SUMF1: variants seen among roughly 807,000 people sequenced by gnomAD.
The protein encoded by SUMF1 is sulfatase modifying factor 1.
A neutral mutation model predicts 47.6 loss-of-function variants in SUMF1; 48 were observed. The observed-to-expected ratio is 1.01, with a 90% CI of 0.80 to 1.28. The LOEUF is 1.28. SUMF1 is among the 50% of genes most tolerant of loss of function. The pLI is 0.00. For missense variants in SUMF1, 571 were observed against 485.4 expected, an observed-to-expected ratio of 1.18 and a Z score of -1.66; for synonymous variants, 230 against 192.1, an observed-to-expected ratio of 1.20 and a Z score of -1.63.
intron 8 of SUMF1, among the ~76,000 whole-genome samples, chr3:4,109,463 T>C (rs991904001): frequency 2.6e-5 from 4 of 152,142 alleles, no homozygotes; most frequent in Non-Finnish European, 2.9e-5. Context: ...TGAATTTGAA[T>C]GTTGGTCTGC....
At chr3:4,457,444 A>G (rs1161357500) in intron 1 of SUMF1, among the ~76,000 whole-genome samples, 1 of 152,210 alleles carries the variant, frequency 6.6e-6, no homozygotes, top group African/African-American at 2.4e-5. Flanking sequence ...GAGCGAAAGC[A>G]ATTTTGAGCA....
intron 8 of SUMF1, among the ~76,000 whole-genome samples, chr3:4,209,171 G>C (rs557522374): frequency 2.6e-5 from 4 of 152,116 alleles, no homozygotes; most frequent in African/African-American, 9.6e-5. Flanking sequence ...ATTTTATTGG[G>C]TACCTATTAT....
rs114271285 is a variant in SUMF1, at chr3:4,330,560, C to T, written c.1014+45770G>A. ...AAGAACAGTATGGGGGAAACTGCCA[C>T]CATGAATCAGTTTTCTCCACTTGGC... is the stretch of plus-strand genomic sequence containing the variant. On this transcript the variant is annotated intron_variant and NMD_transcript_variant, in intron 8 of 12. Coordinates refer to the SUMF1 transcript ENST00000448413. 9.9e-3 allele frequency among the ~76,000 whole-genome samples: 1,503 copies of T among 152,240 alleles called. 16 individuals carry two copies. Among genetic ancestry groups the T allele is most frequent in the African/African-American group, 0.033 (1,364 of 41,524 alleles).
rs114847041 is a variant in SUMF1 at position 4,260,264 on chromosome 3, G to A, written c.1014+116066C>T. Among the ~76,000 whole-genome samples the A allele has an allele frequency of 6.6e-3, 944 of 142,990 alleles. 14 individuals are homozygous for A. Among genetic ancestry groups the A allele is most frequent in the African/African-American group, 0.023 (884 of 38,908 alleles). 93.8% of individuals were successfully genotyped at this position (142,990 alleles called of 152,430 possible). On this transcript the variant is annotated intron_variant and NMD_transcript_variant, in intron 8 of 12. Coordinates refer to the SUMF1 transcript ENST00000448413. Reference sequence around the variant, plus strand: ...TATTTAAAAGCAGGTACAAATATCCGTTCTATAAAAGACAACCAACAGGTA... The same window carrying A: ...TATTTAAAAGCAGGTACAAATATCCATTCTATAAAAGACAACCAACAGGTA...
chr3:4,351,141 CT>C (rs1340077183), intron 8 of SUMF1, among the ~76,000 whole-genome samples: 2 of 152,154 alleles, frequency 1.3e-5, no homozygotes. Flanking sequence ...TTTGGCTTGC[CT>C]AATATGTCCT....
At chr3:4,148,542 T>G (rs1694246638) in intron 8 of SUMF1, among the ~76,000 whole-genome samples, 1 of 152,162 alleles carries the variant, frequency 6.6e-6, no homozygotes, top group Admixed American at 6.5e-5. Flanking sequence ...AAAGGGCTAG[T>G]GCAGAAATGA....
At chr3:4,221,955 G>C (rs1270819837) in intron 8 of SUMF1, among the ~76,000 whole-genome samples, 4 of 146,734 alleles carry the variant, frequency 2.7e-5, no homozygotes, top group Admixed American at 2.7e-4. Flanking sequence ...ATTTTTTTTT[G>C]CAAGCACTAC....
At chr3:4,294,447 T>C (rs562560251) in intron 8 of SUMF1, among the ~76,000 whole-genome samples, 3 of 152,178 alleles carry the variant, frequency 2.0e-5, no homozygotes, top group African/African-American at 7.2e-5. Flanking sequence ...GCCTGTAGTC[T>C]CAGCTGCAAA....
At chr3:4,139,161 A>G (rs1410346647) in intron 8 of SUMF1, among the ~76,000 whole-genome samples, 2 of 152,156 alleles carry the variant, frequency 1.3e-5, no homozygotes, top group Admixed American at 6.6e-5. Context: ...TAGTACAAAA[A>G]GTTGAGGAAA....
chr3:4,046,068 AG>A (rs1480637825), intron 9 of SUMF1, among the ~76,000 whole-genome samples: 1 of 152,170 alleles, frequency 6.6e-6, no homozygotes, highest in African/African-American at 2.4e-5. Flanking sequence ...AGAAAAAAAA[AG>A]ATTGAGTCCA....
chr3:4,379,894 G>T (rs1467816574), intron 7 of SUMF1, among the ~76,000 whole-genome samples: 1 of 148,498 alleles, frequency 6.7e-6, no homozygotes, highest in African/African-American at 2.5e-5. Flanking sequence ...TTGCTATGCA[G>T]CCCTAGCAGA....
At chr3:4,225,855 C>T (rs148350438) in intron 8 of SUMF1, among the ~76,000 whole-genome samples, 1 of 152,190 alleles carries the variant, frequency 6.6e-6, no homozygotes, top group Non-Finnish European at 1.5e-5. Flanking sequence ...TTGAATAACC[C>T]CAGTCAGACA....
At chr3:4,214,165 C>A (rs58202766) in intron 8 of SUMF1, among the ~76,000 whole-genome samples, 6,303 of 152,114 alleles carry the variant, frequency 0.041, 394 homozygotes, top group East Asian at 0.18. Context: ...GGAAGGAAAA[C>A]ACTCCTCAGC....
At chr3:4,211,209 T>TATATATATAC (rs1311841860) in intron 8 of SUMF1, among the ~76,000 whole-genome samples, 1 of 135,526 alleles carries the variant, frequency 7.4e-6, no homozygotes, top group Non-Finnish European at 1.6e-5. Flanking sequence ...CATACATATA[T>TATATATATAC]ATATATATAT....
At position 4,118,280 on chromosome 3, in the gene SUMF1, C is replaced by G. The variant is rs183433040; in HGVS notation, c.1015-49535G>C. Among the ~76,000 whole-genome samples, 475 of 151,052 alleles carry G rather than the reference C, an allele frequency of 3.1e-3. 3 individuals carry two copies. The highest frequency in any genetic ancestry group is 5.5e-3 in the Non-Finnish European group (375 of 67,758). ...AGGAACAGGATACATGAAAAAGAAA[C>G]AGAGAACAAAAAAGAGTCATGAAGA... On this transcript the variant is annotated intron_variant and NMD_transcript_variant, in intron 8 of 12. Transcript: ENST00000448413.
At chr3:4,189,014 T>C (rs1473470191) in intron 8 of SUMF1, among the ~76,000 whole-genome samples, 3 of 152,190 alleles carry the variant, frequency 2.0e-5, no homozygotes, top group African/African-American at 4.8e-5. Flanking sequence ...ACATGGGTTC[T>C]AGCTCATATT....
chr3:4,248,251 A>G (rs368621315), intron 8 of SUMF1, among the ~76,000 whole-genome samples: 87 of 152,320 alleles, frequency 5.7e-4, no homozygotes, highest in African/African-American at 1.9e-3. Context: ...CATTCAGAAT[A>G]GACTGTTTTA....
At chr3:4,287,874 T>G (rs767496880) in intron 8 of SUMF1, among the ~76,000 whole-genome samples, 1 of 152,256 alleles carries the variant, frequency 6.6e-6, no homozygotes, top group African/African-American at 2.4e-5. Flanking sequence ...AGTAAATTAG[T>G]AAATCTTCCA....
At chr3:4,253,622 A>G (rs1020203347) in intron 8 of SUMF1, among the ~76,000 whole-genome samples, 3,300 of 150,950 alleles carry the variant, frequency 0.022, 83 homozygotes, top group African/African-American at 0.075. Flanking sequence ...CGCCCAAGGA[A>G]TCTCGCTGAT....
Sources: allele counts gnomAD v4.1 joint callset (sites outside exome capture counted in the v4.1 genomes callset), GRCh38; gene constraint gnomAD v4.1.1; transcripts MANE v1.5; gene names NCBI Gene and HGNC (gene_info 2026-07-23, HGNC 2026-07-21).